Variants in AKAP19 observed in about 807,000 individuals in gnomAD.
The protein encoded by AKAP19 is A-kinase anchoring protein 19.
At chr2:190,169,014 T>C in the AKAP19 span, among the ~76,000 whole-genome samples, 7 of 152,340 alleles carry the variant, frequency 4.6e-5, no homozygotes, top group East Asian at 1.9e-4. Flanking sequence ...CAGTTTACTG[T>C]GTTAGTCCTT....
chr2:190,115,365 G>A, the AKAP19 span, among the ~76,000 whole-genome samples: 1 of 101,030 alleles, frequency 9.9e-6, no homozygotes, highest in Non-Finnish European at 1.9e-5. Context: ...TGTCGCCCAG[G>A]CTGGAGTGCA....
the AKAP19 span, among the ~76,000 whole-genome samples, chr2:190,176,485 T>C: frequency 6.6e-6 from 1 of 152,058 alleles, no homozygotes; most frequent in African/African-American, 2.4e-5. This position sits in a 1 kb window ranked among gnomAD's most constrained non-coding sequence, Gnocchi z 4.7. Context: ...GTAGCTGGGA[T>C]TACAGGTGCC....
the AKAP19 span, among the ~76,000 whole-genome samples, chr2:189,938,766 C>T: frequency 9.2e-5 from 14 of 152,118 alleles, no homozygotes; most frequent in African/African-American, 3.4e-4. Context: ...ATGGATACCC[C>T]ATCTTCCATG....
At chr2:190,131,612 AGGTGG>A in the AKAP19 span, among the ~76,000 whole-genome samples, 1 of 152,234 alleles carries the variant, frequency 6.6e-6, no homozygotes, top group Non-Finnish European at 1.5e-5. Flanking sequence ...ATAGAATTCA[AGGTGG>A]GGGTCATTGG....
the AKAP19 span, among the ~76,000 whole-genome samples, chr2:190,029,086 C>T: frequency 6.6e-6 from 1 of 150,566 alleles, no homozygotes; most frequent in South Asian, 2.1e-4. Flanking sequence ...GAGTCTCACT[C>T]TTGTTGTCCA....
chr2:189,974,631 A>C, the AKAP19 span, among the ~76,000 whole-genome samples: 11 of 152,168 alleles, frequency 7.2e-5, no homozygotes, highest in African/African-American at 2.7e-4. Context: ...TTTGGTCTCT[A>C]GGTCTCTAAG....
chr2:190,012,683 G>C, the AKAP19 span, among the ~76,000 whole-genome samples: 1 of 152,100 alleles, frequency 6.6e-6, no homozygotes, highest in African/African-American at 2.4e-5. Flanking sequence ...TCATTGTCTT[G>C]TTCCTGATCT....
At chr2:189,912,955 C>T in the AKAP19 span, among the ~76,000 whole-genome samples, 7 of 152,058 alleles carry the variant, frequency 4.6e-5, no homozygotes, top group African/African-American at 1.4e-4. Flanking sequence ...TACCGCAAAG[C>T]TGTAGAGTAT....
At chr2:189,906,597 G>C in the AKAP19 span, among the ~76,000 whole-genome samples, 127 of 152,202 alleles carry the variant, frequency 8.3e-4, 1 homozygote, top group African/African-American at 3.0e-3. Flanking sequence ...TGTGTGTACA[G>C]TGTGTATTCC....
the AKAP19 span, among the ~76,000 whole-genome samples, chr2:190,089,941 A>T: frequency 1.3e-5 from 2 of 152,184 alleles, no homozygotes; most frequent in Non-Finnish European, 2.9e-5. Flanking sequence ...CTAGGAGTCA[A>T]GGAGAGTTAA....
the AKAP19 span, among the ~76,000 whole-genome samples, chr2:189,891,147 G>A: frequency 6.6e-6 from 1 of 151,348 alleles, no homozygotes; most frequent in Non-Finnish European, 1.5e-5. Context: ...GTCTGTGAGG[G>A]ATTTTATTTC....
the AKAP19 span, among the ~76,000 whole-genome samples, chr2:190,069,179 A>AGG: frequency 1.4e-5 from 2 of 142,158 alleles, no homozygotes; most frequent in Non-Finnish European, 3.0e-5. Flanking sequence ...TGTGTGTGAG[A>AGG]GAGAGAGAGA....
At chr2:189,919,100 G>T in the AKAP19 span, among the ~76,000 whole-genome samples, 4 of 152,176 alleles carry the variant, frequency 2.6e-5, no homozygotes, top group Admixed American at 1.3e-4. Flanking sequence ...GTAGGGTTTG[G>T]TACCCTCTGC....
the AKAP19 span, among the ~76,000 whole-genome samples, chr2:189,978,622 CAAAATT>C: frequency 1.3e-5 from 2 of 152,260 alleles, no homozygotes; most frequent in South Asian, 4.2e-4. Context: ...ATTTCAAAAA[CAAAATT>C]AAAAAATAAG....
At chr2:190,016,691 T>G in the AKAP19 span, among the ~76,000 whole-genome samples, 1 of 152,206 alleles carries the variant, frequency 6.6e-6, no homozygotes, top group Non-Finnish European at 1.5e-5. Context: ...TTCACACTTG[T>G]TTTGTGGCCT....
the AKAP19 span, among the ~76,000 whole-genome samples, chr2:189,986,089 G>A: frequency 6.6e-6 from 1 of 152,064 alleles, no homozygotes. Context: ...ATATTTGGGG[G>A]GCAGGAATTT....
At chr2:190,056,292 A>G in the AKAP19 span, 1 of 152,548 alleles carries the variant, frequency 6.6e-6, no homozygotes. Context: ...ACAAAACAAT[A>G]TTGTATACAT....
chr2:190,092,843 CAG>C, the AKAP19 span, among the ~76,000 whole-genome samples: 390 of 152,028 alleles, frequency 2.6e-3, 4 homozygotes, highest in African/African-American at 8.7e-3. Flanking sequence ...AATTTTATAC[CAG>C]ATCAAAGGAG....
At chr2:190,049,827 C>T in the AKAP19 span, among the ~76,000 whole-genome samples, 1 of 152,126 alleles carries the variant, frequency 6.6e-6, no homozygotes, top group Non-Finnish European at 1.5e-5. Context: ...ATGTGTATAG[C>T]ATGTGTGTAC....
Sources: gnomAD v4.1 joint callset for allele counts (sites outside exome capture counted in the v4.1 genomes callset) on GRCh38, gnomAD v4.1.1 for gene constraint, Gnocchi (gnomAD v3.1) non-coding constraint, MANE v1.5 for transcripts, NCBI Gene and HGNC (gene_info 2026-07-23, HGNC 2026-07-21) for gene names.